Variants in STK32B observed in about 807,000 individuals in gnomAD.
STK32B encodes serine/threonine-protein kinase 32B.
STK32B carries 43 observed loss-of-function variants against 52.6 expected under a neutral mutation model. The ratio of observed to expected loss-of-function variants is 0.82; its 90% CI spans 0.64 to 1.05. STK32B has a LOEUF of 1.05. Among genes scored for constraint, STK32B ranks in the 50% least tolerant of loss-of-function variants. STK32B has a pLI of 0.00. For synonymous variants in STK32B, 238 were observed against 204.3 expected (o/e 1.17, Z -1.41); for missense variants, 621 against 534.6 (o/e 1.16, Z -1.59).
intron 3 of STK32B, among the ~76,000 whole-genome samples, chr4:5,170,436 T>C (rs990342951): frequency 3.3e-5 from 5 of 152,136 alleles, no homozygotes; most frequent in Non-Finnish European, 5.9e-5. Flanking sequence ...ATTAGGTATA[T>C]CTCCTAATGC....
At chr4:5,073,363 T>G (rs953726914) in intron 1 of STK32B, among the ~76,000 whole-genome samples, 1 of 152,052 alleles carries the variant, frequency 6.6e-6, no homozygotes, top group African/African-American at 2.4e-5. Context: ...CTTACTTGCA[T>G]TATTATGCTA....
chr4:5,364,448 C>A (rs918381688), intron 4 of STK32B, among the ~76,000 whole-genome samples: 1 of 152,196 alleles, frequency 6.6e-6, no homozygotes, highest in African/African-American at 2.4e-5. Context: ...TGCCTGCCAG[C>A]AAACCCCCAC....
chr4:5,371,293 G>T (rs1298921780), intron 4 of STK32B, among the ~76,000 whole-genome samples: 11 of 152,116 alleles, frequency 7.2e-5, no homozygotes. Flanking sequence ...TCCTGCTAAA[G>T]ACAGGCCAAG....
intron 6 of STK32B, among the ~76,000 whole-genome samples, chr4:5,439,071 A>G (rs1334239220): frequency 6.7e-6 from 1 of 149,914 alleles, no homozygotes; most frequent in Non-Finnish European, 1.5e-5. Context: ...ATATGTGTGC[A>G]TGTGTCTTTA....
chr4:5,304,254 T>C (rs183802862), intron 3 of STK32B, among the ~76,000 whole-genome samples: 13 of 152,254 alleles, frequency 8.5e-5, no homozygotes, highest in African/African-American at 1.7e-4. Flanking sequence ...ATTGAATTTG[T>C]ACATTGCTTT....
At chr4:5,270,923 T>A (rs1351873198) in intron 3 of STK32B, among the ~76,000 whole-genome samples, 3 of 152,094 alleles carry the variant, frequency 2.0e-5, no homozygotes, top group African/African-American at 7.2e-5. Context: ...AAAAACTGAA[T>A]TTTCTTCCCT....
At chr4:5,019,419 C>T in the STK32B span, 8 of 1,484,652 alleles carry the variant, frequency 5.4e-6, no homozygotes, top group African/African-American at 1.5e-5. Flanking sequence ...GCAGCAGCAG[C>T]ACGGGCAGAG....
chr4:5,068,019 A>C (rs928223581), intron 1 of STK32B, among the ~76,000 whole-genome samples: 1 of 152,166 alleles, frequency 6.6e-6, no homozygotes, highest in East Asian at 1.9e-4. Context: ...ATTATAATTC[A>C]GCATGAGATT....
chr4:5,128,346 A>G (rs1715538848), intron 1 of STK32B, among the ~76,000 whole-genome samples: 1 of 152,214 alleles, frequency 6.6e-6, no homozygotes, highest in African/African-American at 2.4e-5. Context: ...CGAGGAATCG[A>G]TAGTTTAATT....
At chr4:5,457,399 TAG>T (rs974275726) in intron 8 of STK32B, among the ~76,000 whole-genome samples, 7 of 150,964 alleles carry the variant, frequency 4.6e-5, no homozygotes, top group Admixed American at 2.0e-4. Context: ...GTATTTTTAG[TAG>T]AGACGGGGTT....
chr4:5,159,795 A>ATATGAATATATGAATGTT lies in STK32B; in HGVS notation c.109-8493_109-8492insGAATGTTTATGAATATAT, dbSNP rs1464619232. Among the ~76,000 whole-genome samples the ATATGAATATATGAATGTT allele has an allele frequency of 3.4e-5, 5 of 146,006 alleles. No individual in the cohort carries two copies. In the East Asian group the frequency reaches 5.9e-4, roughly 17 times the overall value. On this transcript the variant is annotated intron_variant, in intron 2 of 11. Transcript: ENST00000282908. ...AATATATGAATGTTTATGAATATAT[A>ATATGAATATATGAATGTT]TATGAATATATATATGTTATTGGAG... is the stretch of plus-strand genomic sequence containing the variant.
intron 3 of STK32B, among the ~76,000 whole-genome samples, chr4:5,170,315 T>C (rs1719259403): frequency 6.6e-6 from 1 of 152,134 alleles, no homozygotes; most frequent in African/African-American, 2.4e-5. Flanking sequence ...TTATTTTTAT[T>C]TTTATTATTA....
rs1338634676 is a variant in STK32B, at chr4:5,380,371, G to T, written c.435-17836G>T. 6.6e-6 allele frequency among the ~76,000 whole-genome samples: 1 copy of T among 152,100 alleles called. No homozygotes were observed. Among genetic ancestry groups the T allele is most frequent in the Non-Finnish European group, 1.5e-5 (1 of 68,024 alleles). The stretch of plus-strand genomic sequence containing the variant: ...AGAGAATGCAAAAGGCCAGGCTTCT[G>T]CATTTAAAATTATACTATGAAATAG... On this transcript the variant is annotated intron_variant, in intron 4 of 11. Transcript: ENST00000282908. The surrounding 1 kb of genome is among the most constrained non-coding windows in gnomAD (Gnocchi z 4.3).
chr4:5,481,709 T>C lies in STK32B; in HGVS notation c.1106+13639T>C, dbSNP rs200717098. Among the ~76,000 whole-genome samples the C allele has an allele frequency of 1.8e-4, 28 of 152,354 alleles. No homozygotes were observed. The East Asian group carries it at 5.0e-3, about 27-fold the overall frequency. ...CCTAGTTTTTCTTCTAGGGTTTTTA[T>C]GGTTTTAGGTCTAACATTTAAGTCT... On this transcript the variant is annotated intron_variant, in intron 11 of 11. Transcript: ENST00000282908.
At chr4:5,150,333 A>G (rs569800973) in intron 2 of STK32B, among the ~76,000 whole-genome samples, 33 of 152,266 alleles carry the variant, frequency 2.2e-4, no homozygotes, top group Non-Finnish European at 3.8e-4. Flanking sequence ...TGCTAATTAC[A>G]ACATCTGGGT....
chr4:5,462,049 T>G (rs1717066886), intron 9 of STK32B, among the ~76,000 whole-genome samples: 1 of 152,166 alleles, frequency 6.6e-6, no homozygotes, highest in Non-Finnish European at 1.5e-5. Flanking sequence ...GGGTTTCACT[T>G]GGCCAACTGG....
intron 3 of STK32B, among the ~76,000 whole-genome samples, chr4:5,262,584 C>T (rs1475940470): frequency 3.4e-5 from 5 of 148,890 alleles, no homozygotes; most frequent in Admixed American, 1.3e-4. Flanking sequence ...GGGATCGTGC[C>T]ACTGCACTCC....
In STK32B at chr4:5,437,631, G is replaced by T. The variant is rs564443176; in HGVS notation, c.563-9042G>T. Among the ~76,000 whole-genome samples the T allele has an allele frequency of 5.1e-4, 78 of 152,260 alleles. 1 individual carries two copies. In the South Asian group the frequency reaches 0.015, roughly 30 times the overall value. On this transcript the variant is annotated intron_variant, in intron 6 of 11. Coordinates refer to ENST00000282908, the MANE Select transcript of STK32B (RefSeq NM_018401.3). Reference sequence around the variant, plus strand: ...TTAGGACTTGAACATAGCTTTTAGGGGGCAATGATTCGGCCCACTACATCT... The same window carrying T: ...TTAGGACTTGAACATAGCTTTTAGGTGGCAATGATTCGGCCCACTACATCT...
chr4:5,306,267 C>G (rs1729919638), intron 3 of STK32B, among the ~76,000 whole-genome samples: 1 of 152,126 alleles, frequency 6.6e-6, no homozygotes, highest in Non-Finnish European at 1.5e-5. Flanking sequence ...TGTGGACTTT[C>G]TGTCTTGATG....
Sources: allele counts gnomAD v4.1 joint callset (sites outside exome capture counted in the v4.1 genomes callset), GRCh38; gene constraint gnomAD v4.1.1; non-coding constraint Gnocchi (gnomAD v3.1); transcripts MANE v1.5; gene names NCBI Gene and HGNC (gene_info 2026-07-23, HGNC 2026-07-21).